SRRT: variants seen among roughly 807,000 people sequenced by gnomAD.
SRRT encodes serrate, RNA effector molecule.
In SRRT, 32 loss-of-function variants were observed where a neutral mutation model predicts 103.2. That is an observed-to-expected ratio of 0.31 (90% confidence interval 0.23 to 0.42). The LOEUF is 0.42. Among genes scored for constraint, SRRT ranks in the 10% least tolerant of loss-of-function variants. SRRT has a pLI of 1.00. For synonymous variants in SRRT, 525 were observed against 449.0 expected (o/e 1.17, Z -2.14); for missense variants, 986 against 1,207.5 (o/e 0.82, Z 2.72).
At chr7:100,886,214 TGG>T (rs1563022851) in intron 12 of SRRT, 31 bp from the exon 13 acceptor site, 1 of 1,596,296 alleles carries the variant, frequency 6.3e-7, no homozygotes, top group South Asian at 1.1e-5. Flanking sequence ...GCGGGGTAAG[TGG>T]GGTAAGCTGC....
Position 100,887,537 on chromosome 7 carries a change from G to A in SRRT, c.2169+24G>A, listed in dbSNP as rs375490568. The stretch of plus-strand genomic sequence containing the variant: ...AGGTGTGGGATGTTGGAGAATGGCC[G>A]TGCTACGGTGGTGGGAGGTGGGGTT... On this transcript the variant is annotated intron_variant, in intron 16 of 19. Transcript: ENST00000611405. This position sits in a 1 kb window ranked among gnomAD's most constrained non-coding sequence, Gnocchi z 4.1. The A allele has an allele frequency of 1.3e-4, 210 of 1,609,818 alleles. 1 individual carries two copies. The African/African-American group carries it at 2.6e-3, about 20-fold the overall frequency.
chr7:100,881,264 G>A, intron 2 of SRRT, 21 bp from the exon 3 acceptor site: 1 of 1,601,106 alleles, frequency 6.2e-7, no homozygotes, highest in Non-Finnish European at 8.5e-7. Flanking sequence ...TTTAATCTTT[G>A]TTACTTGTTC....
Position 100,882,541 on chromosome 7 carries a change from G to T in SRRT, c.587+300G>T. 3.3e-6 allele frequency: 1 copy of T among 302,418 alleles called. No individual in the cohort carries two copies. The highest frequency in any genetic ancestry group is 6.2e-6 in the Non-Finnish European group (1 of 161,954). The allele number at this position is 302,418 out of a possible 1,614,324, so 18.7% of individuals were successfully genotyped here. ...AGACTGCTTCCCACTTGTTGGTGTT[G>T]GGTCATTGTCATCCCTGATCACCAG... On this transcript the variant is annotated intron_variant, in intron 5 of 19. Transcript: ENST00000611405. The surrounding 1 kb of genome is among the most constrained non-coding windows in gnomAD (Gnocchi z 4.2).
chr7:100,885,683 C>T lies in SRRT; in HGVS notation c.1318-18C>T. 6.2e-7 allele frequency: 1 copy of T among 1,600,262 alleles called. No individual in the cohort carries two copies. The highest frequency in any genetic ancestry group is 8.5e-7 in the Non-Finnish European group (1 of 1,172,658). ...GAATCCTTGAGTCACTGTGGGGCTG[C>T]TTTTCTGCTTCTTGCAGCTTTGTAA... On this transcript the variant is annotated intron_variant, in intron 10 of 19. Transcript: ENST00000611405. The surrounding 1 kb of genome is among the most constrained non-coding windows in gnomAD (Gnocchi z 4.8).
chr7:100,881,573 G>T, intron 3 of SRRT, 86 bp from the exon 4 acceptor site: 1 of 1,589,642 alleles, frequency 6.3e-7, no homozygotes. Context: ...GGGAGACCAT[G>T]CTGTGTGTAC....
In SRRT at chr7:100,887,898, C is replaced by T; in HGVS notation, c.2326+39C>T. 1 of 1,580,578 alleles carries T rather than the reference C, an allele frequency of 6.3e-7. No individual in the cohort carries two copies. Among genetic ancestry groups the T allele is most frequent in the Non-Finnish European group, 8.6e-7 (1 of 1,157,856 alleles). ...CATGAAGGTCGCATGTGCCCTCTTCCTTGACTACCCAGGGACTCCTGTTTC... is the reference window on the plus strand; with the variant it reads ...CATGAAGGTCGCATGTGCCCTCTTCTTTGACTACCCAGGGACTCCTGTTTC... On this transcript the variant is annotated intron_variant, in intron 17 of 19. Coordinates refer to ENST00000611405, the MANE Select transcript of SRRT (RefSeq NM_015908.6). This position sits in a 1 kb window ranked among gnomAD's most constrained non-coding sequence, Gnocchi z 4.1.
intron 1 of SRRT, 47 bp from the exon 2 acceptor site, chr7:100,875,526 C>G: frequency 1.2e-6 from 2 of 1,604,090 alleles, no homozygotes; most frequent in Non-Finnish European, 1.7e-6. Context: ...GTCCCTTCCT[C>G]CGCTCGTCCT....
At chr7:100,877,760 T>C (rs1815887036) in intron 2 of SRRT, among the ~76,000 whole-genome samples, 2 of 152,126 alleles carry the variant, frequency 1.3e-5, no homozygotes, top group South Asian at 2.1e-4. Flanking sequence ...ACCTCACATA[T>C]CCACCTGCTT....
rs1459881676 is a variant in SRRT, at chr7:100,881,360, C to T, written c.198C>T (p.Phe66=). 1.2e-6 allele frequency: 2 copies of T among 1,613,150 alleles called. No individual in the cohort carries two copies. The highest frequency in any genetic ancestry group is 1.7e-6 in the Non-Finnish European group (2 of 1,179,790). Residue 66 remains phenylalanine, a synonymous_variant, in exon 3 of 20, where the codon TTC becomes TTT. Coordinates refer to ENST00000611405, the MANE Select transcript of SRRT (RefSeq NM_015908.6). ...RDYDRNRRER[F]SPPRHELSPP... is the part of the protein sequence containing the mutation. The stretch of plus-strand genomic sequence containing the variant: ...ATGACCGGAATCGGCGAGAGCGCTT[C>T]TCGCCACCTCGCCACGAACTCAGCC...
Position 100,888,121 on chromosome 7 carries a change from G to T in SRRT, c.2406G>T (p.Arg802=). The change falls in exon 18 of 20, where the codon CGG becomes CGT. Residue 802 remains arginine (R), a synonymous_variant. Transcript: ENST00000611405. ...GCCTGATGCCCTATGGTCAGCCCCG[G>T]CCCCCGATCTTGGGCTATGGAGGTA... The part of the protein sequence containing the change: ...PQGLMPYGQP[R]PPILGYGAGA... 6.2e-7 allele frequency: 1 copy of T among 1,610,450 alleles called. No homozygotes were observed. The highest frequency in any genetic ancestry group is 1.3e-5 in the African/African-American group (1 of 74,900).
In SRRT at chr7:100,886,813, C is replaced by G; in HGVS notation, c.1666C>G (p.Pro556Ala). The change falls in exon 14 of 20, where the codon CCG (proline) becomes GCG (alanine). Residue 556 changes from proline to alanine, a missense_variant. This residue lies in a region of SRRT where 349 missense variants were observed against 446.9 expected (regional missense o/e 0.78). Coordinates refer to ENST00000611405, the MANE Select transcript of SRRT (RefSeq NM_015908.6). ...CCATCAGAGCCTGCCCTCGCAAAAC[C>G]CGATCTTGAAGAATATCACCGACTA... ...PLPTSLPSQN[P>A]ILKNITDYLI... The G allele has an allele frequency of 6.2e-7, 1 of 1,614,120 alleles. No homozygotes were observed. Among genetic ancestry groups the G allele is most frequent in the Non-Finnish European group, 8.5e-7 (1 of 1,180,016 alleles).
chr7:100,880,661 G>GA, intron 2 of SRRT: 1 of 415,366 alleles, frequency 2.4e-6, no homozygotes, highest in Non-Finnish European at 4.9e-6. Context: ...TCTAGTAGGG[G>GA]ATGATTTTTA....
rs901644949 is a variant in SRRT at position 100,886,151 on chromosome 7, C to G, written c.1459-96C>G. On this transcript the variant is annotated intron_variant, in intron 12 of 19. Transcript: ENST00000611405. ...GTCCCCAGGGAGCTCGCAGTCTGATCAATCGCTGGTGCTCAAGAGGGAAGG... is the reference window on the plus strand; with the variant it reads ...GTCCCCAGGGAGCTCGCAGTCTGATGAATCGCTGGTGCTCAAGAGGGAAGG... 5 of 1,422,862 alleles carry G rather than the reference C, an allele frequency of 3.5e-6. No individual in the cohort carries two copies. In the Admixed American group the frequency reaches 1.0e-4, roughly 29 times the overall value. The allele number at this position is 1,422,862 out of a possible 1,614,324, so 88.1% of individuals were successfully genotyped here. A position where few individuals can be genotyped will look rare whatever the true frequency, so the allele number is the denominator to read the frequency against.
Position 100,886,912 on chromosome 7 carries a change from C to G in SRRT, c.1765C>G (p.Pro589Ala). 1 of 1,613,532 alleles carries G rather than the reference C, an allele frequency of 6.2e-7. No individual in the cohort carries two copies. The highest frequency in any genetic ancestry group is 8.5e-7 in the Non-Finnish European group (1 of 1,179,832). Residue 589 changes from proline (P) to alanine (A), a missense_variant, in exon 14 of 20, where the codon CCT becomes GCT. By Grantham distance (27) the Pro-to-Ala change is conservative. Coordinates refer to ENST00000611405, the MANE Select transcript of SRRT (RefSeq NM_015908.6). ...SSGGAPPEEP[P>A]KEGNPAEINV... ...CGGGGGCGCTCCTCCTGAGGAGCCT[C>G]CTAAGGAAGGGAACCCGGCAGAGAT...
Position 100,885,898 on chromosome 7 carries a change from G to C in SRRT, c.1415G>C (p.Ser472Thr), listed in dbSNP as rs1356702806. 1.9e-6 allele frequency: 3 copies of C among 1,614,028 alleles called. No homozygotes were observed. The African/African-American group carries it at 4.0e-5, about 22-fold the overall frequency. ...CGTGGCTGGGTGACCTTCGACCGCAGTGTTAACATTAAAGAGATCTGTTGG... is the reference window on the plus strand; with the variant it reads ...CGTGGCTGGGTGACCTTCGACCGCACTGTTAACATTAAAGAGATCTGTTGG... ...FRRGWVTFDRSVNIKEICWNL... is the reference protein window; with the variant it reads ...FRRGWVTFDRTVNIKEICWNL... Residue 472 changes from serine (S) to threonine (T), a missense_variant, in exon 12 of 20, where the codon AGT becomes ACT. This residue lies in a region of SRRT where 349 missense variants were observed against 446.9 expected (regional missense o/e 0.78). Coordinates refer to ENST00000611405, the MANE Select transcript of SRRT (RefSeq NM_015908.6). The surrounding 1 kb of genome is among the most constrained non-coding windows in gnomAD (Gnocchi z 4.8).
chr7:100,877,469 A>G (rs561460905), intron 2 of SRRT, among the ~76,000 whole-genome samples: 1 of 151,590 alleles, frequency 6.6e-6, no homozygotes, highest in South Asian at 2.1e-4. Flanking sequence ...TTCTTGATGA[A>G]AGAGTAAAAC....
chr7:100,886,476 A>G (rs1584756188), intron 13 of SRRT, 41 bp downstream of exon 13: 2 of 1,566,200 alleles, frequency 1.3e-6, no homozygotes, highest in Non-Finnish European at 1.7e-6. Context: ...AGCAACTGGT[A>G]GTGCCTCTGC....
rs762356316 is a variant in SRRT, at chr7:100,885,854, C to A, written c.1380-9C>A. 6.2e-7 allele frequency: 1 copy of A among 1,614,138 alleles called. No homozygotes were observed. The highest frequency in any genetic ancestry group is 8.5e-7 in the Non-Finnish European group (1 of 1,180,020). On this transcript the variant is annotated splice_polypyrimidine_tract_variant and intron_variant, in intron 11 of 19. Transcript: ENST00000611405. The surrounding 1 kb of genome is among the most constrained non-coding windows in gnomAD (Gnocchi z 4.8). ...GCTTGACTATGCTAACATTTTCTTTCTTGTGTAGGTTTTTCCGTCGTGGCT... is the reference window on the plus strand; with the variant it reads ...GCTTGACTATGCTAACATTTTCTTTATTGTGTAGGTTTTTCCGTCGTGGCT...
intron 5 of SRRT, among the ~76,000 whole-genome samples, chr7:100,883,520 C>CT (rs1297144179): frequency 6.6e-6 from 1 of 152,226 alleles, no homozygotes; most frequent in African/African-American, 2.4e-5. Context: ...TCCCTTCGGT[C>CT]TTTCCTGTCC....
Sources: allele counts gnomAD v4.1 joint callset (sites outside exome capture counted in the v4.1 genomes callset), GRCh38; gene constraint gnomAD v4.1.1; regional missense constraint gnomAD v4.1.1; non-coding constraint Gnocchi (gnomAD v3.1); transcripts MANE v1.5; gene names NCBI Gene and HGNC (gene_info 2026-07-23, HGNC 2026-07-21).